Variants in AUTS2 observed in about 807,000 individuals in gnomAD.
AUTS2 encodes activator of transcription and developmental regulator AUTS2.
Under a neutral mutation model 112.4 loss-of-function variants are expected in AUTS2, and 17 were observed. That is an observed-to-expected ratio of 0.15 (90% CI 0.10 to 0.23). AUTS2 has a LOEUF of 0.23. AUTS2 is among the 10% of genes least tolerant of loss of function. The pLI is 1.00. For synonymous variants in AUTS2, 751 were observed against 702.7 expected (o/e 1.07, Z -1.09); for missense variants, 1,510 against 1,701.6 (o/e 0.89, Z 1.98).
chr7:70,658,223 G>A (rs1338345960), intron 5 of AUTS2, among the ~76,000 whole-genome samples: 1 of 152,172 alleles, frequency 6.6e-6, no homozygotes, highest in East Asian at 1.9e-4. Context: ...GTGTGTACTG[G>A]CCAGAATGTC....
intron 6 of AUTS2, among the ~76,000 whole-genome samples, chr7:70,721,279 CGTGTGTGTGTGT>C (rs55885084): frequency 0.012 from 1,738 of 140,150 alleles, 15 homozygotes; most frequent in Middle Eastern, 0.021. Context: ...GAATTTCATT[CGTGTGTGTGTGT>C]GTGTGTGTGT....
intron 3 of AUTS2, among the ~76,000 whole-genome samples, chr7:70,123,379 G>T (rs1402446190): frequency 6.6e-6 from 1 of 152,022 alleles, no homozygotes; most frequent in Non-Finnish European, 1.5e-5. Context: ...TGTCACAGAG[G>T]TTTGTTGTGA....
intron 1 of AUTS2, among the ~76,000 whole-genome samples, chr7:69,896,820 G>A (rs1375011132): frequency 3.9e-5 from 6 of 152,126 alleles, no homozygotes; most frequent in African/African-American, 1.4e-4. Context: ...CTGCCTCAAG[G>A]CCTTTGCACA....
At chr7:70,533,508 A>G (rs1359744234) in intron 5 of AUTS2, among the ~76,000 whole-genome samples, 7 of 152,178 alleles carry the variant, frequency 4.6e-5, no homozygotes, top group Non-Finnish European at 1.0e-4. Flanking sequence ...CTTTTCTCAC[A>G]AAAGAGCTGT....
intron 1 of AUTS2, among the ~76,000 whole-genome samples, chr7:69,749,724 C>T (rs756918968): frequency 6.6e-6 from 1 of 152,204 alleles, no homozygotes; most frequent in Non-Finnish European, 1.5e-5. Context: ...AAACAGTTCT[C>T]GCTGGCTTGC....
At chr7:69,681,057 C>A (rs187326977) in intron 1 of AUTS2, among the ~76,000 whole-genome samples, 1 of 152,220 alleles carries the variant, frequency 6.6e-6, no homozygotes, top group South Asian at 2.1e-4. Flanking sequence ...AGCACAATGT[C>A]TTCAAAGTTC....
chr7:69,725,701 G>A (rs1786476932), intron 1 of AUTS2, among the ~76,000 whole-genome samples: 2 of 152,094 alleles, frequency 1.3e-5, no homozygotes, highest in South Asian at 4.1e-4. Flanking sequence ...AAGGCTGTCT[G>A]GTCAGACTTG....
At position 70,150,182 on chromosome 7, in the gene AUTS2, A is replaced by G. The variant is rs537254512; in HGVS notation, c.660+15611A>G. Among the ~76,000 whole-genome samples the G allele has an allele frequency of 5.3e-5, 8 of 152,258 alleles. No individual in the cohort carries two copies. The South Asian group carries it at 1.2e-3, about 24-fold the overall frequency. ...GTACATTTAAATGGTTAGAGATTCA[A>G]TTCTTTTCTGTGAATTTTAGGAATA... On this transcript the variant is annotated intron_variant, in intron 4 of 18. Coordinates refer to ENST00000342771, the MANE Select transcript of AUTS2 (RefSeq NM_015570.4).
In AUTS2 at chr7:69,941,375, C is replaced by G. The variant is rs1169870214; in HGVS notation, c.522+41877C>G. ...GTAACAATTTCAGTTTCATTTCTCC[C>G]TTGAGCTAACTCTATTCACCTCAAA... On this transcript the variant is annotated intron_variant, in intron 2 of 18. Transcript: ENST00000342771. Among the ~76,000 whole-genome samples the G allele has an allele frequency of 2.0e-5, 3 of 152,186 alleles. No homozygotes were observed. The East Asian group carries it at 5.8e-4, about 29-fold the overall frequency.
At chr7:70,253,802 A>G (rs1047439884) in intron 4 of AUTS2, among the ~76,000 whole-genome samples, 4 of 151,736 alleles carry the variant, frequency 2.6e-5, no homozygotes, top group African/African-American at 9.7e-5. Flanking sequence ...TTTTCATTGC[A>G]ATTTACTTGA....
intron 5 of AUTS2, among the ~76,000 whole-genome samples, chr7:70,602,782 G>A (rs530029824): frequency 5.9e-5 from 9 of 152,278 alleles, no homozygotes; most frequent in African/African-American, 1.9e-4. Context: ...CAGGACATTT[G>A]TGTACTAAGT....
At chr7:70,728,707 C>CAA (rs55878540) in intron 6 of AUTS2, among the ~76,000 whole-genome samples, 3,137 of 81,104 alleles carry the variant, frequency 0.039, 97 homozygotes, top group Non-Finnish European at 0.057. Flanking sequence ...GACTCTGTCT[C>CAA]AAAAAAAAAA....
chr7:70,065,893 A>G (rs2129561552), intron 2 of AUTS2, among the ~76,000 whole-genome samples: 1 of 152,046 alleles, frequency 6.6e-6, no homozygotes, highest in Admixed American at 6.6e-5. Flanking sequence ...TTTTTTTTAG[A>G]GAGGGAGCGT....
At position 70,780,341 on chromosome 7, in the gene AUTS2, G is replaced by A. The variant is rs191630813; in HGVS notation, c.2005-1274G>A. 1.6e-3 allele frequency among the ~76,000 whole-genome samples: 250 copies of A among 152,244 alleles called. 1 individual carries two copies. Among genetic ancestry groups the A allele is most frequent in the African/African-American group, 5.6e-3 (233 of 41,544 alleles). On this transcript the variant is annotated intron_variant, in intron 14 of 18. Coordinates refer to ENST00000342771, the MANE Select transcript of AUTS2 (RefSeq NM_015570.4). The stretch of plus-strand genomic sequence containing the variant: ...TCTACTGCCTAAGAGGATGGTAGGC[G>A]GAAAGATTAGCCTGAGGATAGATAA...
At chr7:70,417,436 A>G (rs1350717619) in intron 4 of AUTS2, among the ~76,000 whole-genome samples, 1 of 152,196 alleles carries the variant, frequency 6.6e-6, no homozygotes, top group African/African-American at 2.4e-5. Flanking sequence ...ACAGCGAGGC[A>G]ATTTCCAGGC....
intron 2 of AUTS2, among the ~76,000 whole-genome samples, chr7:69,958,243 T>C (rs966050751): frequency 6.6e-6 from 1 of 152,206 alleles, no homozygotes; most frequent in Non-Finnish European, 1.5e-5. Flanking sequence ...TTGGTTTATG[T>C]ATCTTCTGTG....
chr7:70,095,273 T>C (rs971924963), intron 2 of AUTS2, among the ~76,000 whole-genome samples: 6 of 152,256 alleles, frequency 3.9e-5, no homozygotes, highest in East Asian at 1.9e-4. Context: ...TGTGTGTGTG[T>C]GCGTGCGTGC....
At position 70,377,577 on chromosome 7, in the gene AUTS2, C is replaced by T. The variant is rs564641710; in HGVS notation, c.661-58175C>T. ...TACAGCCATCACCACTGTTCATCTC[C>T]GGAACATTTTTCGTCTTCCCAAACT... On this transcript the variant is annotated intron_variant, in intron 4 of 18. Coordinates refer to ENST00000342771, the MANE Select transcript of AUTS2 (RefSeq NM_015570.4). Among the ~76,000 whole-genome samples, 5 of 151,146 alleles carry T rather than the reference C, an allele frequency of 3.3e-5. No individual in the cohort carries two copies. The South Asian group carries it at 6.3e-4, about 19-fold the overall frequency.
At chr7:70,388,902 A>C (rs1225724871) in intron 4 of AUTS2, among the ~76,000 whole-genome samples, 1 of 152,182 alleles carries the variant, frequency 6.6e-6, no homozygotes, top group African/African-American at 2.4e-5. Context: ...GAACAAACAC[A>C]AGTGAATTCA....
Sources: allele counts gnomAD v4.1 joint callset (sites outside exome capture counted in the v4.1 genomes callset), GRCh38; gene constraint gnomAD v4.1.1; transcripts MANE v1.5; gene names NCBI Gene and HGNC (gene_info 2026-07-23, HGNC 2026-07-21).